The following TMEFF2 variants were observed in gnomAD, a reference collection of about 807,000 sequenced individuals.
TMEFF2 encodes tomoregulin-2.
Under a neutral mutation model 53.8 loss-of-function variants are expected in TMEFF2, and 28 were observed. That is an observed-to-expected ratio of 0.52 (90% CI 0.39 to 0.71). The LOEUF is 0.71. Among genes scored for constraint, TMEFF2 ranks in the 30% least tolerant of loss-of-function variants. The pLI, the probability that TMEFF2 is intolerant of heterozygous loss-of-function variation, is 0.00. For synonymous variants in TMEFF2, 162 were observed against 166.3 expected (o/e 0.97, Z 0.20); for missense variants, 353 against 455.2 (o/e 0.78, Z 2.04).
chr2:191,979,766 T>C lies in TMEFF2; in HGVS notation c.745+18496A>G, dbSNP rs181880042. ...GCCCAGTAGAGATAAAAAAAAAAAA[T>C]TAAACCCTCTAACTAGGATCCATTT... On this transcript the variant is annotated intron_variant, in intron 7 of 9. Transcript: ENST00000272771. Among the ~76,000 whole-genome samples the C allele has an allele frequency of 2.3e-3, 352 of 151,754 alleles. 1 individual carries two copies. The highest frequency in any genetic ancestry group is 4.4e-3 in the Non-Finnish European group (298 of 67,908).
chr2:191,990,763 GGTGTGTGTGTGTGT>G lies in TMEFF2; in HGVS notation c.745+7485_745+7498del, dbSNP rs34545329. On this transcript the variant is annotated intron_variant, in intron 7 of 9. Transcript: ENST00000272771. ...AACATTTGTTTTGATCTCTTTGCGG[GGTGTGTGTGTGTGT>G]GTGTGTGTGTGTGAATTATTGACAT... Among the ~76,000 whole-genome samples the G allele has an allele frequency of 8.2e-5, 11 of 134,706 alleles. No homozygotes were observed. In the South Asian group the frequency reaches 2.0e-3, roughly 25 times the overall value. 88.4% of individuals were successfully genotyped at this position (134,706 alleles called of 152,430 possible).
chr2:192,055,817 CAATAAAA>C (rs1687894526), intron 5 of TMEFF2, among the ~76,000 whole-genome samples: 1 of 145,980 alleles, frequency 6.9e-6, no homozygotes, highest in African/African-American at 2.5e-5. Flanking sequence ...GACTCTGTCT[CAATAAAA>C]AACAAAAAAC....
At chr2:192,169,392 A>G (rs1483938665) in intron 4 of TMEFF2, among the ~76,000 whole-genome samples, 3 of 152,130 alleles carry the variant, frequency 2.0e-5, no homozygotes, top group Non-Finnish European at 4.4e-5. Context: ...ACTATCAACA[A>G]AAAGTTATAC....
intron 7 of TMEFF2, among the ~76,000 whole-genome samples, chr2:191,979,507 C>G (rs1200582340): frequency 6.9e-6 from 1 of 144,690 alleles, no homozygotes; most frequent in Non-Finnish European, 1.5e-5. Flanking sequence ...TATTAGTTTA[C>G]TTTACTTTGA....
intron 2 of TMEFF2, among the ~76,000 whole-genome samples, chr2:192,190,071 GA>G (rs1691425316): frequency 6.6e-6 from 1 of 152,130 alleles, no homozygotes; most frequent in Non-Finnish European, 1.5e-5. Flanking sequence ...GCCAATGTAT[GA>G]AAAACACAAA....
intron 4 of TMEFF2, among the ~76,000 whole-genome samples, chr2:192,059,059 T>A (rs1238242168): frequency 3.3e-5 from 5 of 152,300 alleles, no homozygotes; most frequent in Non-Finnish European, 7.3e-5. Context: ...ATGAGTAATT[T>A]GATTTACTCA....
intron 9 of TMEFF2, 131 bp downstream of exon 9, chr2:191,953,548 A>T: frequency 1.1e-6 from 1 of 921,910 alleles, no homozygotes; most frequent in South Asian, 2.0e-5. Context: ...CTCTTATGCT[A>T]AGGACATAGG....
At chr2:192,120,385 A>G (rs1689520710) in intron 4 of TMEFF2, among the ~76,000 whole-genome samples, 2 of 151,902 alleles carry the variant, frequency 1.3e-5, no homozygotes, top group African/African-American at 4.8e-5. Context: ...CTCAAACCCC[A>G]CCCCACAGTG....
chr2:192,190,962 T>A (rs1343020758), intron 2 of TMEFF2, among the ~76,000 whole-genome samples: 1 of 152,134 alleles, frequency 6.6e-6, no homozygotes, highest in South Asian at 2.1e-4. Context: ...TATTTCCTGG[T>A]TGAGTCATAT....
At position 192,113,539 on chromosome 2, in the gene TMEFF2, A is replaced by G. The variant is rs550583717; in HGVS notation, c.440-55764T>C. Among the ~76,000 whole-genome samples, 8 of 152,304 alleles carry G rather than the reference A, an allele frequency of 5.3e-5. No homozygotes were observed. The South Asian group carries it at 1.7e-3, about 32-fold the overall frequency. On this transcript the variant is annotated intron_variant, in intron 4 of 9. Transcript: ENST00000272771. Reference sequence around the variant, plus strand: ...TCCTTAAGAAATTTCTTTTCTCTGCATAGAAATAATGTGGAATAAACATAT... The same window carrying G: ...TCCTTAAGAAATTTCTTTTCTCTGCGTAGAAATAATGTGGAATAAACATAT...
chr2:191,998,416 A>G, intron 6 of TMEFF2, 95 bp from the exon 7 acceptor site: 1 of 897,586 alleles, frequency 1.1e-6, no homozygotes, highest in Non-Finnish European at 1.7e-6. Flanking sequence ...CTTCATTGCA[A>G]TTAAGGAATT....
intron 5 of TMEFF2, among the ~76,000 whole-genome samples, chr2:192,056,578 AAAT>A (rs1411832148): frequency 6.6e-6 from 1 of 152,154 alleles, no homozygotes; most frequent in Non-Finnish European, 1.5e-5. Context: ...CACCCATTCA[AAAT>A]AATAAGTATT....
chr2:192,164,881 A>G (rs1261387951), intron 4 of TMEFF2, among the ~76,000 whole-genome samples: 1 of 152,160 alleles, frequency 6.6e-6, no homozygotes, highest in African/African-American at 2.4e-5. Flanking sequence ...ACAGAGTATA[A>G]TAATATTATG....
chr2:192,122,154 C>T (rs1245544949), intron 4 of TMEFF2, among the ~76,000 whole-genome samples: 1 of 151,966 alleles, frequency 6.6e-6, no homozygotes, highest in East Asian at 1.9e-4. Flanking sequence ...GTCATATGTG[C>T]CCCATATATA....
intron 7 of TMEFF2, among the ~76,000 whole-genome samples, chr2:191,974,654 C>A (rs759698450): frequency 1.3e-5 from 2 of 152,018 alleles, no homozygotes; most frequent in Non-Finnish European, 2.9e-5. Flanking sequence ...ATGCAAATGG[C>A]ATTCTTTTTT....
At chr2:192,062,681 A>C (rs902240569) in intron 4 of TMEFF2, among the ~76,000 whole-genome samples, 1 of 152,138 alleles carries the variant, frequency 6.6e-6, no homozygotes, top group African/African-American at 2.4e-5. Flanking sequence ...TTTTGTTGAC[A>C]GTGCTAACCT....
chr2:192,065,340 G>T (rs1688142327), intron 4 of TMEFF2, among the ~76,000 whole-genome samples: 1 of 151,764 alleles, frequency 6.6e-6, no homozygotes, highest in Non-Finnish European at 1.5e-5. Flanking sequence ...GTATAAATGT[G>T]CATAAATAGA....
intron 4 of TMEFF2, among the ~76,000 whole-genome samples, chr2:192,102,142 A>G (rs1365117604): frequency 6.6e-6 from 1 of 152,176 alleles, no homozygotes; most frequent in African/African-American, 2.4e-5. Flanking sequence ...ATAAAACACT[A>G]TGCACAAATT....
At chr2:192,063,038 T>G (rs937754002) in intron 4 of TMEFF2, among the ~76,000 whole-genome samples, 2 of 151,764 alleles carry the variant, frequency 1.3e-5, no homozygotes, top group African/African-American at 4.8e-5. Flanking sequence ...GCTATTTCAC[T>G]TTTTTTATTT....
Sources: gnomAD v4.1 joint callset for allele counts (sites outside exome capture counted in the v4.1 genomes callset) on GRCh38, gnomAD v4.1.1 for gene constraint, MANE v1.5 for transcripts, NCBI Gene and HGNC (gene_info 2026-07-23, HGNC 2026-07-21) for gene names.